Variants in PCTP observed in about 807,000 individuals in gnomAD.
PCTP encodes the protein phosphatidylcholine transfer protein.
A neutral mutation model predicts 31.0 loss-of-function variants in PCTP; 27 were observed. The observed-to-expected ratio is 0.87, with a 90% confidence interval of 0.64 to 1.20. The LOEUF (loss-of-function observed/expected upper bound fraction) is 1.20, where lower values mean the gene tolerates loss of function less well. Among genes scored for constraint, PCTP ranks in the 50% most tolerant of loss-of-function variants. The pLI, the probability that PCTP is intolerant of heterozygous loss-of-function variation, is 0.00. For synonymous variants in PCTP, 108 were observed against 101.2 expected (o/e 1.07, Z -0.40); for missense variants, 287 against 268.2 (o/e 1.07, Z -0.49).
chr17:55,780,250 A>G (rs995092978), downstream of PCTP, among the ~76,000 whole-genome samples: 1 of 152,210 alleles, frequency 6.6e-6, no homozygotes, highest in Non-Finnish European at 1.5e-5. Flanking sequence ...TTGGATACAC[A>G]TAATAGATGC....
intron 5 of PCTP, among the ~76,000 whole-genome samples, chr17:55,838,864 G>C (rs7209020): frequency 0.12 from 18,829 of 152,174 alleles, 1,338 homozygotes; most frequent in East Asian, 0.35. Flanking sequence ...GTATTAAAAA[G>C]CTAGTCTATC....
chr17:55,827,821 T>C (rs142924465), downstream of PCTP, among the ~76,000 whole-genome samples: 153 of 152,228 alleles, frequency 1.0e-3, 1 homozygote, highest in East Asian at 0.023. Context: ...AAACCACTTG[T>C]AGAAATCGGT....
intron 1 of PCTP, chr17:55,751,464 G>A: frequency 6.5e-7 from 1 of 1,532,304 alleles, no homozygotes. Context: ...AAGGTCACAG[G>A]AGTTCAGCCT....
intron 3 of PCTP, among the ~76,000 whole-genome samples, chr17:55,795,631 C>A (rs924402354): frequency 6.6e-6 from 1 of 152,018 alleles, no homozygotes; most frequent in African/African-American, 2.4e-5. Context: ...CACTTGATTC[C>A]TGTTGCTTTA....
rs1912379672 is a variant in PCTP at position 55,801,503 on chromosome 17, T to A, written c.317+13849T>A. Among the ~76,000 whole-genome samples the A allele has an allele frequency of 2.0e-5, 3 of 152,144 alleles. No individual in the cohort carries two copies. In the South Asian group the frequency reaches 6.2e-4, roughly 32 times the overall value. The stretch of plus-strand genomic sequence containing the variant: ...AGCAAATGTAAAAGAACGGAAATCA[T>A]AACAAACAGTCTCTCAGACCACAGT... On this transcript the variant is annotated intron_variant, in intron 3 of 3. Transcript: ENST00000572536.
At chr17:55,754,136 C>A (rs1440353630) in intron 1 of PCTP, among the ~76,000 whole-genome samples, 1 of 152,168 alleles carries the variant, frequency 6.6e-6, no homozygotes, top group African/African-American at 2.4e-5. Flanking sequence ...TCCTCCTGTT[C>A]AGTGTTGACA....
intron 1 of PCTP, among the ~76,000 whole-genome samples, chr17:55,757,227 CACATATATACATGTAT>C (rs1391581423): frequency 6.7e-6 from 1 of 148,998 alleles, no homozygotes; most frequent in African/African-American, 2.5e-5. Context: ...TATATATATA[CACATATATACATGTAT>C]ACATATATAC....
intron 5 of PCTP, among the ~76,000 whole-genome samples, chr17:55,833,816 G>A (rs1177808802): frequency 6.6e-6 from 1 of 151,892 alleles, no homozygotes; most frequent in African/African-American, 2.4e-5. Flanking sequence ...GCCTTTTTTT[G>A]CCGTTCCTTA....
chr17:55,768,695 T>G (rs375570660), intron 2 of PCTP, among the ~76,000 whole-genome samples: 28 of 152,218 alleles, frequency 1.8e-4, no homozygotes, highest in African/African-American at 6.8e-4. Context: ...CTTCTACTAC[T>G]AGGCGAACTA....
Position 55,774,876 on chromosome 17 carries a change from TGGGGCGG to T in PCTP, c.579+22_579+28del. 3.9e-6 allele frequency: 1 copy of T among 257,030 alleles called. No individual in the cohort carries two copies. The highest frequency in any genetic ancestry group is 6.9e-6 in the Non-Finnish European group (1 of 144,458). 15.9% of individuals were successfully genotyped at this position (257,030 alleles called of 1,614,324 possible). The stretch of plus-strand genomic sequence containing the variant: ...GCCGCCAAGGTGAGATCCCAGGAGG[TGGGGCGG>T]GGGGAGGGATGGGGGAGTGTGTTTG... On this transcript the variant is annotated intron_variant, in intron 5 of 5. Transcript: ENST00000268896.
At chr17:55,790,833 G>T (rs1911937758) in intron 3 of PCTP, among the ~76,000 whole-genome samples, 3 of 149,878 alleles carry the variant, frequency 2.0e-5, no homozygotes, top group African/African-American at 7.6e-5. Context: ...CCAAAAAAGG[G>T]CCCGCATCAC....
intron 3 of PCTP, among the ~76,000 whole-genome samples, chr17:55,796,687 G>C (rs1279092430): frequency 6.6e-6 from 1 of 151,918 alleles, no homozygotes; most frequent in African/African-American, 2.4e-5. Context: ...GATCTCCTGT[G>C]CACATATGAC....
At chr17:55,754,910 TACAC>T (rs1199593713) in intron 1 of PCTP, among the ~76,000 whole-genome samples, 3 of 152,060 alleles carry the variant, frequency 2.0e-5, no homozygotes, top group Non-Finnish European at 4.4e-5. Context: ...CTATGTCCAA[TACAC>T]ACACGCCGCC....
intron 1 of PCTP, among the ~76,000 whole-genome samples, chr17:55,754,813 C>T (rs556109288): frequency 6.6e-6 from 1 of 152,162 alleles, no homozygotes; most frequent in East Asian, 1.9e-4. Context: ...AGTTATGAAC[C>T]AGGAACAGTG....
intron 2 of PCTP, among the ~76,000 whole-genome samples, chr17:55,782,978 G>T (rs1403196682): frequency 6.6e-6 from 1 of 152,232 alleles, no homozygotes; most frequent in African/African-American, 2.4e-5. Context: ...ATATTCTAAA[G>T]TATCTGCTGA....
intron 3 of PCTP, among the ~76,000 whole-genome samples, chr17:55,809,434 C>T (rs1912678457): frequency 6.6e-6 from 1 of 151,822 alleles, no homozygotes; most frequent in Admixed American, 6.6e-5. Flanking sequence ...GATATCTCAG[C>T]TAGTAAATTG....
rs749015723 is a variant in PCTP, at chr17:55,751,409, G to A, written c.141+165G>A. 7.8e-6 allele frequency: 12 copies of A among 1,534,382 alleles called. No homozygotes were observed. The South Asian group carries it at 1.2e-4, about 15-fold the overall frequency. On this transcript the variant is annotated intron_variant, in intron 1 of 5. Transcript: ENST00000268896. ...GTCTCAAGCTCTGGAGCTAGCGCAG[G>A]GGCGGTGCCTCCAAGTGACTGCCGT...
chr17:55,777,835 G>A (rs1199615823), downstream of PCTP, among the ~76,000 whole-genome samples: 2 of 152,144 alleles, frequency 1.3e-5, no homozygotes, highest in Admixed American at 1.3e-4. Flanking sequence ...TATCAATAAT[G>A]TAGCTGAAAT....
Position 55,773,799 on chromosome 17 carries a change from T to C in PCTP, c.415T>C (p.Ser139Pro). The change falls in exon 4 of 6, where the codon TCC becomes CCC. Residue 139 changes from serine (S) to proline (P), a missense_variant. By Grantham distance (74) the Ser-to-Pro change is moderately conservative (BLOSUM62 -1). Coordinates refer to ENST00000268896, the MANE Select transcript of PCTP (RefSeq NM_021213.4). ...KIHVILARST[S>P]MPQLGERSGV... ...CCATGTGATCCTGGCCCGGAGCACC[T>C]CCATGCCTCAGCTTGGCGAGAGGTC... The C allele has an allele frequency of 6.2e-7, 1 of 1,613,836 alleles. No homozygotes were observed. Among genetic ancestry groups the C allele is most frequent in the South Asian group, 1.1e-5 (1 of 91,046 alleles).
Sources: allele counts gnomAD v4.1 joint callset (sites outside exome capture counted in the v4.1 genomes callset), GRCh38; gene constraint gnomAD v4.1.1; transcripts MANE v1.5; gene names NCBI Gene and HGNC (gene_info 2026-07-23, HGNC 2026-07-21).